The following CTNNA3 variants were observed in gnomAD, a reference collection of about 807,000 sequenced individuals.
The protein encoded by CTNNA3 is catenin alpha-3.
Under a neutral mutation model 95.7 loss-of-function variants are expected in CTNNA3, and 76 were observed. The ratio of observed to expected loss-of-function variants is 0.79; its 90% confidence interval spans 0.66 to 0.96. The LOEUF (loss-of-function observed/expected upper bound fraction) is 0.96, where lower values mean the gene tolerates loss of function less well. Among genes scored for constraint, CTNNA3 ranks in the 40% least tolerant of loss-of-function variants. The probability of loss-of-function intolerance (pLI) is 0.00; values close to 1 mark genes in which losing one functional copy is unlikely to be tolerated. For missense variants in CTNNA3, 1,191 were observed against 1,089.8 expected (o/e 1.09, Z -1.31); for synonymous variants, 431 against 374.4 (o/e 1.15, Z -1.74).
chr10:67,668,969 G>C (rs1423546700), intron 1 of CTNNA3, among the ~76,000 whole-genome samples: 8 of 151,096 alleles, frequency 5.3e-5, no homozygotes, highest in Non-Finnish European at 1.0e-4. Context: ...CTCCCGAGCA[G>C]CTGGGATTAC....
intron 5 of CTNNA3, among the ~76,000 whole-genome samples, chr10:67,296,934 C>CAAAAAAAAAAAA (rs1210482029): frequency 0.012 from 214 of 17,644 alleles, 24 homozygotes; most frequent in African/African-American, 0.026. Flanking sequence ...AACGCTGTCT[C>CAAAAAAAAAAAA]AAAAAAAAAA....
chr10:67,453,838 T>C (rs555957825), intron 5 of CTNNA3, among the ~76,000 whole-genome samples: 1 of 152,284 alleles, frequency 6.6e-6, no homozygotes, highest in East Asian at 1.9e-4. Flanking sequence ...AATGTTTAAG[T>C]CCAATCCCCT....
chr10:66,972,735 G>A (rs1849795980), intron 7 of CTNNA3, among the ~76,000 whole-genome samples: 1 of 134,404 alleles, frequency 7.4e-6, no homozygotes, highest in South Asian at 2.4e-4. Flanking sequence ...TTATGAAATG[G>A]AGTCTGGCTC....
At chr10:67,336,480 A>G (rs1215826509) in intron 5 of CTNNA3, among the ~76,000 whole-genome samples, 2 of 152,236 alleles carry the variant, frequency 1.3e-5, no homozygotes, top group Non-Finnish European at 2.9e-5. Flanking sequence ...AAGGTGAAGC[A>G]GCAGGTGCTG....
chr10:67,594,420 T>G (rs1842874594), intron 3 of CTNNA3, among the ~76,000 whole-genome samples: 1 of 152,168 alleles, frequency 6.6e-6, no homozygotes. Context: ...TATTACTGAT[T>G]CAATTTCAGA....
At chr10:67,169,170 C>T (rs779453129) in intron 7 of CTNNA3, among the ~76,000 whole-genome samples, 3 of 152,206 alleles carry the variant, frequency 2.0e-5, no homozygotes, top group Non-Finnish European at 4.4e-5. Context: ...ATCCAATGCT[C>T]ATAGATAGGA....
chr10:65,997,810 A>G (rs2078694536), intron 15 of CTNNA3, among the ~76,000 whole-genome samples: 1 of 152,148 alleles, frequency 6.6e-6, no homozygotes, highest in African/African-American at 2.4e-5. Flanking sequence ...TGAGGTCGGG[A>G]GTTCAAGACT....
intron 5 of CTNNA3, among the ~76,000 whole-genome samples, chr10:67,280,338 A>T (rs1336161186): frequency 1.3e-5 from 2 of 150,446 alleles, no homozygotes. Flanking sequence ...TCTAAAGCTC[A>T]TTCAAATGCC....
chr10:66,451,042 G>A (rs904988594), intron 11 of CTNNA3, among the ~76,000 whole-genome samples: 4 of 151,976 alleles, frequency 2.6e-5, no homozygotes, highest in Non-Finnish European at 4.4e-5. Flanking sequence ...GCTTTTGAGT[G>A]GATTCAATAG....
intron 10 of CTNNA3, among the ~76,000 whole-genome samples, chr10:66,608,131 C>T (rs527503983): frequency 5.1e-4 from 77 of 152,260 alleles, no homozygotes; most frequent in African/African-American, 1.8e-3. Flanking sequence ...ACACAAATCA[C>T]TACCATTCCC....
At chr10:66,437,549 G>T (rs2093346682) in intron 11 of CTNNA3, among the ~76,000 whole-genome samples, 1 of 151,984 alleles carries the variant, frequency 6.6e-6, no homozygotes, top group South Asian at 2.1e-4. Context: ...GGTCATTTAT[G>T]TTCTTCTCTA....
At chr10:66,921,540 T>C (rs183544214) in intron 7 of CTNNA3, among the ~76,000 whole-genome samples, 2 of 152,302 alleles carry the variant, frequency 1.3e-5, no homozygotes, top group African/African-American at 4.8e-5. Flanking sequence ...TCTAGACTCA[T>C]TGGCCTCCTT....
chr10:67,577,801 A>G (rs996626440), intron 3 of CTNNA3, among the ~76,000 whole-genome samples: 5 of 151,856 alleles, frequency 3.3e-5, no homozygotes, highest in Non-Finnish European at 7.4e-5. Context: ...TATTGTAAAT[A>G]GTGCTGCAAT....
intron 7 of CTNNA3, among the ~76,000 whole-genome samples, chr10:66,947,291 G>A (rs537622383): frequency 1.3e-5 from 2 of 152,074 alleles, no homozygotes; most frequent in African/African-American, 4.8e-5. Context: ...TGCATTTCTT[G>A]AGTTGTTCTG....
intron 7 of CTNNA3, among the ~76,000 whole-genome samples, chr10:66,784,527 T>C (rs562935434): frequency 5.0e-4 from 76 of 152,288 alleles, no homozygotes; most frequent in African/African-American, 1.2e-4. Flanking sequence ...TACTCAAAGA[T>C]AGTCTCTCCC....
chr10:67,650,604 T>C (rs900880052), intron 1 of CTNNA3, among the ~76,000 whole-genome samples: 5 of 152,204 alleles, frequency 3.3e-5, no homozygotes, highest in Non-Finnish European at 7.3e-5. Flanking sequence ...ACTTTTATCA[T>C]TTTATATCAA....
At chr10:66,936,768 T>G (rs1847724207) in intron 7 of CTNNA3, among the ~76,000 whole-genome samples, 1 of 152,164 alleles carries the variant, frequency 6.6e-6, no homozygotes. Context: ...CATCCAGTGG[T>G]GCCCAGAGCT....
At chr10:66,659,752 T>C (rs1260203851) in intron 9 of CTNNA3, among the ~76,000 whole-genome samples, 1 of 152,070 alleles carries the variant, frequency 6.6e-6, no homozygotes, top group Non-Finnish European at 1.5e-5. Flanking sequence ...GTATTATCTA[T>C]GAACCAGAAA....
intron 7 of CTNNA3, among the ~76,000 whole-genome samples, chr10:66,818,469 C>T (rs184483707): frequency 1.3e-3 from 204 of 152,294 alleles, no homozygotes; most frequent in African/African-American, 4.4e-3. Flanking sequence ...TATATCTATA[C>T]ACTTGAACAG....
Sources: gnomAD v4.1 joint callset for allele counts (sites outside exome capture counted in the v4.1 genomes callset) on GRCh38, gnomAD v4.1.1 for gene constraint, MANE v1.5 for transcripts, NCBI Gene and HGNC (gene_info 2026-07-23, HGNC 2026-07-21) for gene names.